Variants in TAF15 observed in about 807,000 individuals in gnomAD.
TAF15 encodes TATA-box binding protein associated factor 15.
Under a neutral mutation model 102.5 loss-of-function variants are expected in TAF15, and 37 were observed. The ratio of observed to expected loss-of-function variants is 0.36; its 90% CI spans 0.28 to 0.47. TAF15 has a LOEUF of 0.47. Among genes scored for constraint, TAF15 ranks in the 20% least tolerant of loss-of-function variants. The pLI, the probability that TAF15 is intolerant of heterozygous loss-of-function variation, is 0.99. For missense variants in TAF15, 652 were observed against 760.7 expected (o/e 0.86, Z 1.68); for synonymous variants, 273 against 259.2 (o/e 1.05, Z -0.51).
At chr17:35,812,736 T>G (rs530898205) in intron 1 of TAF15, among the ~76,000 whole-genome samples, 2 of 151,964 alleles carry the variant, frequency 1.3e-5, no homozygotes, top group African/African-American at 2.4e-5. Context: ...GAAATGAGAG[T>G]CAATGACAAA....
rs180949555 is a variant in TAF15 at position 35,825,837 on chromosome 17, C to T, written c.605+1639C>T. On this transcript the variant is annotated intron_variant, in intron 7 of 15. Coordinates refer to ENST00000605844, the MANE Select transcript of TAF15 (RefSeq NM_139215.3). ...GTGGCAGGCGCCTGTAGTCGTAGTC[C>T]GAACTACTCAGGAGGCTGAGGCAGG... Among the ~76,000 whole-genome samples the T allele has an allele frequency of 5.9e-5, 9 of 152,086 alleles. No homozygotes were observed. The East Asian group carries it at 1.7e-3, about 29-fold the overall frequency.
chr17:35,830,787 A>G (rs1203771946), intron 7 of TAF15, among the ~76,000 whole-genome samples: 1 of 152,174 alleles, frequency 6.6e-6, no homozygotes, highest in Non-Finnish European at 1.5e-5. Context: ...GGGGGATCTT[A>G]TTAAATGCAG....
At chr17:35,826,476 C>T (rs894025173) in intron 7 of TAF15, among the ~76,000 whole-genome samples, 16 of 151,766 alleles carry the variant, frequency 1.1e-4, no homozygotes, top group Admixed American at 5.9e-4. Flanking sequence ...CCAGAGCAGC[C>T]GTAATTAATA....
At chr17:35,845,130 A>G in intron 15 of TAF15, 92 bp downstream of exon 15, 1 of 1,487,832 alleles carries the variant, frequency 6.7e-7, no homozygotes, top group Non-Finnish European at 9.3e-7. Context: ...TTGGAACTTG[A>G]ATTTCCCATT....
In TAF15 at chr17:35,822,611, A is replaced by T. The variant is rs774206817; in HGVS notation, c.291-29A>T. On this transcript the variant is annotated intron_variant, in intron 5 of 15. Transcript: ENST00000605844. Reference sequence around the variant, plus strand: ...TACAGCAAATGTAATCTTCCTATGAAGTCTCTTAAGTTCTCCATTTCTATT... The same window carrying T: ...TACAGCAAATGTAATCTTCCTATGATGTCTCTTAAGTTCTCCATTTCTATT... 202 of 1,603,306 alleles carry T rather than the reference A, an allele frequency of 1.3e-4. 1 individual carries two copies. In the East Asian group the frequency reaches 4.5e-3, roughly 35 times the overall value.
chr17:35,824,432 C>T, intron 7 of TAF15: 1 of 538,182 alleles, frequency 1.9e-6, no homozygotes. Context: ...ACATGTTAAA[C>T]ACCAGTAGAG....
chr17:35,811,683 A>C (rs1169088049), intron 1 of TAF15: 1 of 152,244 alleles, frequency 6.6e-6, no homozygotes, highest in Non-Finnish European at 1.5e-5. Context: ...AAAAAACCTA[A>C]TAAAGTATAA....
At chr17:35,828,213 C>G (rs1382389603) in intron 7 of TAF15, among the ~76,000 whole-genome samples, 1 of 152,108 alleles carries the variant, frequency 6.6e-6, no homozygotes. Context: ...CACATGTATA[C>G]AAGGGCACTG....
rs1023074885 is a variant in TAF15, at chr17:35,843,446, T to C, written c.1007-631T>C. On this transcript the variant is annotated intron_variant, in intron 12 of 15. Transcript: ENST00000605844. Reference sequence around the variant, plus strand: ...GCCCAGCTTCTTTATTTCTATTGGATTCATATTCTTGTCTTTTTTCTTTTT... The same window carrying C: ...GCCCAGCTTCTTTATTTCTATTGGACTCATATTCTTGTCTTTTTTCTTTTT... Among the ~76,000 whole-genome samples, 4 of 152,294 alleles carry C rather than the reference T, an allele frequency of 2.6e-5. No individual in the cohort carries two copies. The South Asian group carries it at 8.3e-4, about 32-fold the overall frequency.
chr17:35,815,291 GTC>G (rs1332464826), intron 1 of TAF15, among the ~76,000 whole-genome samples: 2 of 152,286 alleles, frequency 1.3e-5, no homozygotes, highest in South Asian at 4.1e-4. Flanking sequence ...AAGCACAATT[GTC>G]AAATAATCAC....
chr17:35,830,698 T>C (rs1224047509), intron 7 of TAF15, among the ~76,000 whole-genome samples: 1 of 152,224 alleles, frequency 6.6e-6, no homozygotes, highest in Non-Finnish European at 1.5e-5. Context: ...AGGCTTTGCA[T>C]AAAATTACAG....
At chr17:35,810,466 T>G (rs1271710999) in intron 1 of TAF15, 1 of 152,222 alleles carries the variant, frequency 6.6e-6, no homozygotes, top group African/African-American at 2.4e-5. Flanking sequence ...GTCTAGAACA[T>G]GGATGTCCTC....
intron 1 of TAF15, among the ~76,000 whole-genome samples, chr17:35,813,445 G>A (rs919780822): frequency 6.6e-6 from 1 of 152,022 alleles, no homozygotes; most frequent in African/African-American, 2.4e-5. Flanking sequence ...AACAGCCTGG[G>A]CAACGTGATG....
chr17:35,843,155 C>G (rs948870000), intron 12 of TAF15, among the ~76,000 whole-genome samples: 1 of 151,256 alleles, frequency 6.6e-6, no homozygotes, highest in Admixed American at 6.6e-5. Context: ...CAGAGTTTCG[C>G]TCTTGTTGCC....
At chr17:35,829,261 C>G (rs1156811263) in intron 7 of TAF15, among the ~76,000 whole-genome samples, 1 of 151,712 alleles carries the variant, frequency 6.6e-6, no homozygotes, top group Non-Finnish European at 1.5e-5. Context: ...CTGCATTGTC[C>G]TTTTACTTCT....
At chr17:35,846,840 A>C (rs2087628791) in intron 15 of TAF15, 66 bp from the exon 16 acceptor site, 1 of 1,553,286 alleles carries the variant, frequency 6.4e-7, no homozygotes, top group African/African-American at 1.4e-5. Context: ...ACCCTGAAGA[A>C]GTGTCTAATG....
chr17:35,834,740 C>CTTTTTTTATTTT (rs2087451872), intron 9 of TAF15, 142 bp downstream of exon 9: 1 of 212,896 alleles, frequency 4.7e-6, no homozygotes, highest in South Asian at 4.4e-5. Flanking sequence ...AGCTTTATTT[C>CTTTTTTTATTTT]TTTTTTTTTT....
chr17:35,839,349 T>A (rs1598547455), intron 11 of TAF15, among the ~76,000 whole-genome samples: 2 of 136,984 alleles, frequency 1.5e-5, no homozygotes, highest in East Asian at 2.3e-4. Context: ...ATAAAGTTAA[T>A]ACATACTTAG....
chr17:35,809,941 C>G lies in TAF15; in HGVS notation c.7+365C>G, dbSNP rs1041101054. ...CATCAGCCTGAGAGAAGCGGTGCTT[C>G]TGGTTCTCCGCTCCGCCTCGGATCT... is the stretch of plus-strand genomic sequence containing the variant. On this transcript the variant is annotated intron_variant, in intron 1 of 15. Coordinates refer to ENST00000605844, the MANE Select transcript of TAF15 (RefSeq NM_139215.3). 9 of 427,590 alleles carry G rather than the reference C, an allele frequency of 2.1e-5. No individual in the cohort carries two copies. The East Asian group carries it at 3.2e-4, about 15-fold the overall frequency. The allele number at this position is 427,590 out of a possible 1,614,324, so 26.5% of individuals were successfully genotyped here.
Sources: allele counts gnomAD v4.1 joint callset (sites outside exome capture counted in the v4.1 genomes callset), GRCh38; gene constraint gnomAD v4.1.1; transcripts MANE v1.5; gene names NCBI Gene and HGNC (gene_info 2026-07-23, HGNC 2026-07-21).